STK32B: variants seen among roughly 807,000 people sequenced by gnomAD.
STK32B encodes the protein serine/threonine kinase 32B.
Under a neutral mutation model 52.6 loss-of-function variants are expected in STK32B, and 43 were observed. That is an observed-to-expected ratio of 0.82 (90% CI 0.64 to 1.05). The LOEUF (loss-of-function observed/expected upper bound fraction) is 1.05, where lower values mean the gene tolerates loss of function less well. Ranked by LOEUF, STK32B falls within the 50% of genes least tolerant of loss-of-function variation. The probability of loss-of-function intolerance (pLI) is 0.00; values close to 1 mark genes in which losing one functional copy is unlikely to be tolerated. For missense variants in STK32B, 621 were observed against 534.6 expected (o/e 1.16, Z -1.59); for synonymous variants, 238 against 204.3 (o/e 1.17, Z -1.41).
chr4:5,176,602 C>T (rs1002527263), intron 3 of STK32B, among the ~76,000 whole-genome samples: 7 of 152,062 alleles, frequency 4.6e-5, no homozygotes, highest in East Asian at 3.9e-4. Context: ...TGCCACCACA[C>T]GCAGTTAATT....
At chr4:5,183,994 C>T (rs1012444781) in intron 3 of STK32B, among the ~76,000 whole-genome samples, 1 of 152,194 alleles carries the variant, frequency 6.6e-6, no homozygotes, top group Non-Finnish European at 1.5e-5. Context: ...TTCTCCGTAT[C>T]AGCAGTTAGG....
At chr4:5,110,272 C>CAAAAAAAA (rs367760309) in intron 1 of STK32B, among the ~76,000 whole-genome samples, 1 of 106,720 alleles carries the variant, frequency 9.4e-6, no homozygotes, top group African/African-American at 3.4e-5. Context: ...CATATGGAAC[C>CAAAAAAAA]AAAAAAAAAA....
intron 3 of STK32B, among the ~76,000 whole-genome samples, chr4:5,183,113 C>T (rs1195160219): frequency 6.6e-6 from 1 of 152,126 alleles, no homozygotes; most frequent in East Asian, 1.9e-4. Flanking sequence ...GGTAAGTGAG[C>T]ATTGGCTTCA....
chr4:5,053,783 T>A (rs1056204836), intron 1 of STK32B, among the ~76,000 whole-genome samples: 3 of 151,506 alleles, frequency 2.0e-5, no homozygotes, highest in African/African-American at 4.9e-5. Context: ...AGGAGAGGCC[T>A]GCCTGGCCAA....
chr4:5,412,315 A>G lies in STK32B; in HGVS notation c.473-4530A>G, dbSNP rs143926068. Among the ~76,000 whole-genome samples, 280 of 152,328 alleles carry G rather than the reference A, an allele frequency of 1.8e-3. 1 individual carries two copies. The highest frequency in any genetic ancestry group is 6.3e-3 in the African/African-American group (263 of 41,576). ...TCTCCTGAGAAGGAACTCATAGGAA[A>G]TCTTGTTGGGCACTAATTTTCACTT... is the stretch of plus-strand genomic sequence containing the variant. On this transcript the variant is annotated intron_variant, in intron 5 of 11. Transcript: ENST00000282908.
At chr4:5,144,783 C>T (rs114703990) in intron 2 of STK32B, among the ~76,000 whole-genome samples, 2 of 121,116 alleles carry the variant, frequency 1.7e-5, no homozygotes, top group African/African-American at 8.9e-5. Flanking sequence ...CACTCATTCA[C>T]TCATCCATCC....
chr4:5,193,585 C>T (rs762273102), intron 3 of STK32B, among the ~76,000 whole-genome samples: 4 of 152,230 alleles, frequency 2.6e-5, no homozygotes, highest in Non-Finnish European at 4.4e-5. Context: ...GCTTCTCCTC[C>T]GGCTGTGCTG....
intron 3 of STK32B, among the ~76,000 whole-genome samples, chr4:5,237,640 G>A (rs539000816): frequency 4.6e-5 from 7 of 152,318 alleles, no homozygotes; most frequent in African/African-American, 1.7e-4. Flanking sequence ...AAATGAATGT[G>A]AGGCTTAATG....
intron 3 of STK32B, among the ~76,000 whole-genome samples, chr4:5,267,704 TAG>T (rs1283310062): frequency 1.3e-5 from 2 of 151,958 alleles, no homozygotes; most frequent in African/African-American, 4.8e-5. Flanking sequence ...AGCCAAAGAG[TAG>T]AGAGAGAACA....
chr4:5,319,659 T>C (rs1488623326), intron 3 of STK32B, among the ~76,000 whole-genome samples: 22 of 152,188 alleles, frequency 1.4e-4, no homozygotes, highest in Admixed American at 1.4e-3. Context: ...TTGTCCTTGC[T>C]CTCTGCTCCT....
At chr4:5,335,291 G>T (rs201050152) in intron 4 of STK32B, among the ~76,000 whole-genome samples, 2,065 of 152,150 alleles carry the variant, frequency 0.014, 31 homozygotes, top group East Asian at 0.074. Context: ...TTCTCTGATG[G>T]TAGTTTGTAT....
intron 2 of STK32B, among the ~76,000 whole-genome samples, chr4:5,141,890 C>T (rs866633665): frequency 6.6e-6 from 1 of 152,132 alleles, no homozygotes; most frequent in Non-Finnish European, 1.5e-5. Context: ...TTGCCGAGTT[C>T]TGTGTATCAC....
intron 4 of STK32B, among the ~76,000 whole-genome samples, chr4:5,370,552 A>G (rs576985853): frequency 6.6e-6 from 1 of 152,138 alleles, no homozygotes; most frequent in Admixed American, 6.5e-5. Flanking sequence ...CTGGGCTTGG[A>G]TGCTTCCAAG....
chr4:5,075,027 C>G (rs532127889), intron 1 of STK32B, among the ~76,000 whole-genome samples: 2 of 152,272 alleles, frequency 1.3e-5, no homozygotes, highest in East Asian at 3.9e-4. Context: ...TTACACTGGG[C>G]TCCTTGGAGT....
chr4:5,236,861 C>G (rs1724675408), intron 3 of STK32B, among the ~76,000 whole-genome samples: 1 of 152,262 alleles, frequency 6.6e-6, no homozygotes, highest in Non-Finnish European at 1.5e-5. Context: ...CTTTTTGGTG[C>G]AAACATATAC....
chr4:5,437,331 C>T (rs1332600536), intron 6 of STK32B, among the ~76,000 whole-genome samples: 1 of 152,382 alleles, frequency 6.6e-6, no homozygotes, highest in South Asian at 2.1e-4. Context: ...CCAGCAGGGC[C>T]ATGTGCCCTC....
chr4:5,492,110 G>T (rs887283022), intron 11 of STK32B, among the ~76,000 whole-genome samples: 10 of 152,082 alleles, frequency 6.6e-5, no homozygotes, highest in Non-Finnish European at 8.8e-5. Flanking sequence ...TTCCAATTCT[G>T]TGAGGAAAGT....
At chr4:5,268,897 G>T (rs1727230598) in intron 3 of STK32B, among the ~76,000 whole-genome samples, 1 of 152,096 alleles carries the variant, frequency 6.6e-6, no homozygotes, top group South Asian at 2.1e-4. Context: ...AACTGGACTG[G>T]ACATCAAGCA....
intron 1 of STK32B, among the ~76,000 whole-genome samples, chr4:5,132,470 C>T (rs745757215): frequency 6.6e-6 from 1 of 152,000 alleles, no homozygotes; most frequent in Non-Finnish European, 1.5e-5. Flanking sequence ...GAACTTGCAC[C>T]CGGAACCTAA....
Sources: gnomAD v4.1 joint callset for allele counts (sites outside exome capture counted in the v4.1 genomes callset) on GRCh38, gnomAD v4.1.1 for gene constraint, MANE v1.5 for transcripts, NCBI Gene and HGNC (gene_info 2026-07-23, HGNC 2026-07-21) for gene names.